Variants in DENND5B observed in about 807,000 individuals in gnomAD.
DENND5B encodes DENN domain-containing protein 5B.
DENND5B carries 34 observed loss-of-function variants against 140.6 expected under a neutral mutation model. The observed-to-expected ratio is 0.24, with a 90% confidence interval of 0.18 to 0.32. The LOEUF is 0.32. DENND5B is among the 10% of genes least tolerant of loss of function. The pLI, the probability that DENND5B is intolerant of heterozygous loss-of-function variation, is 1.00. For synonymous variants in DENND5B, 551 were observed against 562.1 expected, an observed-to-expected ratio of 0.98 and a Z score of 0.28; for missense variants, 1,142 against 1,560.2, an observed-to-expected ratio of 0.73 and a Z score of 4.52.
At chr12:31,455,406 T>C (rs538243424) in intron 4 of DENND5B, among the ~76,000 whole-genome samples, 2 of 152,308 alleles carry the variant, frequency 1.3e-5, no homozygotes, top group South Asian at 2.1e-4. Context: ...AAGTCTCCTA[T>C]GTCTGCTTAA....
At chr12:31,433,283 T>C in intron 7 of DENND5B, 35 bp from the exon 8 acceptor site, 1 of 1,577,666 alleles carries the variant, frequency 6.3e-7, no homozygotes, top group Non-Finnish European at 8.6e-7. Context: ...ATGTGTTCCT[T>C]ATCTTTAAAA....
chr12:31,394,497 T>C (rs541468559), intron 17 of DENND5B, among the ~76,000 whole-genome samples: 3 of 152,294 alleles, frequency 2.0e-5, no homozygotes, highest in East Asian at 3.9e-4. Context: ...ATAATTAAAA[T>C]TCACCATGTA....
At chr12:31,539,385 G>T (rs1948611782) in intron 1 of DENND5B, among the ~76,000 whole-genome samples, 1 of 151,882 alleles carries the variant, frequency 6.6e-6, no homozygotes, top group African/African-American at 2.4e-5. Flanking sequence ...CACTCTATGA[G>T]GCCTGTATAC....
chr12:31,474,992 A>G (rs1945728002), intron 3 of DENND5B, among the ~76,000 whole-genome samples: 1 of 152,194 alleles, frequency 6.6e-6, no homozygotes, highest in African/African-American at 2.4e-5. Flanking sequence ...TACAGTTAAC[A>G]CAGTGGTTAA....
chr12:31,398,088 A>C, intron 17 of DENND5B, 87 bp downstream of exon 17: 1 of 1,248,346 alleles, frequency 8.0e-7, no homozygotes, highest in Non-Finnish European at 1.1e-6. Context: ...TCTCCTCACT[A>C]CATTCATTAA....
At chr12:31,460,443 A>C (rs1944963006) in intron 3 of DENND5B, 62 bp from the exon 4 acceptor site, 1 of 1,518,808 alleles carries the variant, frequency 6.6e-7, no homozygotes, top group African/African-American at 1.4e-5. Context: ...CACTTCATTA[A>C]GCTGGAAAAT....
At chr12:31,494,222 CTACCTACCTACCTA>C (rs1946676508) in intron 2 of DENND5B, among the ~76,000 whole-genome samples, 1 of 18,240 alleles carries the variant, frequency 5.5e-5, no homozygotes, top group African/African-American at 1.7e-4. Context: ...CTACCTACCT[CTACCTACCTACCTA>C]CCTACCTACC....
intron 3 of DENND5B, among the ~76,000 whole-genome samples, chr12:31,464,005 A>G (rs941191344): frequency 3.9e-5 from 6 of 152,224 alleles, no homozygotes; most frequent in African/African-American, 1.4e-4. Flanking sequence ...CAGCAGAAAT[A>G]AGACAATTCT....
chr12:31,493,679 A>G (rs1358711814), intron 2 of DENND5B, among the ~76,000 whole-genome samples: 1 of 152,078 alleles, frequency 6.6e-6, no homozygotes, highest in Non-Finnish European at 1.5e-5. Flanking sequence ...AAAATACAAA[A>G]GATTAGCTGG....
chr12:31,389,645 T>C (rs745579477), intron 19 of DENND5B, 147 bp from the exon 20 acceptor site: 47 of 719,362 alleles, frequency 6.5e-5, no homozygotes, highest in Non-Finnish European at 4.3e-5. Context: ...TCATTGATTT[T>C]AGGGGTCGAT....
intron 1 of DENND5B, among the ~76,000 whole-genome samples, chr12:31,579,638 GTTTA>G (rs143308745): frequency 7.3e-5 from 11 of 150,266 alleles, no homozygotes; most frequent in South Asian, 2.1e-4. Flanking sequence ...TCTAGCCTGG[GTTTA>G]TTTATTTATT....
chr12:31,552,050 C>T (rs1202453877), intron 1 of DENND5B, among the ~76,000 whole-genome samples: 14 of 152,044 alleles, frequency 9.2e-5, no homozygotes, highest in Admixed American at 9.2e-4. Flanking sequence ...ATTGAATACC[C>T]TTTATTTCCT....
intron 4 of DENND5B, among the ~76,000 whole-genome samples, chr12:31,453,482 A>C (rs1944630093): frequency 6.6e-6 from 1 of 152,218 alleles, no homozygotes; most frequent in Non-Finnish European, 1.5e-5. Flanking sequence ...TCTACTGTCC[A>C]TACTCTCTTA....
chr12:31,515,522 G>C (rs1261352752), intron 1 of DENND5B, among the ~76,000 whole-genome samples: 1 of 152,080 alleles, frequency 6.6e-6, no homozygotes, highest in Non-Finnish European at 1.5e-5. Context: ...TACATGGTGG[G>C]TAAATTTTAT....
At chr12:31,539,028 A>T (rs1344877020) in intron 1 of DENND5B, among the ~76,000 whole-genome samples, 1 of 152,044 alleles carries the variant, frequency 6.6e-6, no homozygotes, top group Non-Finnish European at 1.5e-5. Context: ...GACACAACTA[A>T]GTAAAACCAG....
chr12:31,577,465 C>T (rs1012012477), intron 1 of DENND5B, among the ~76,000 whole-genome samples: 3 of 151,906 alleles, frequency 2.0e-5, no homozygotes, highest in Admixed American at 6.6e-5. Flanking sequence ...AATCCCAGCA[C>T]TTTGGGAGGC....
rs181942968 is a variant in DENND5B at position 31,521,586 on chromosome 12, C to G, written c.128-25667G>C. ...TTGTTAGTCTGTCCTATACAAGATGCCTACATAAAACAGAAATGTGTGTGG... is the reference window on the plus strand; with the variant it reads ...TTGTTAGTCTGTCCTATACAAGATGGCTACATAAAACAGAAATGTGTGTGG... On this transcript the variant is annotated intron_variant, in intron 1 of 20. Coordinates refer to ENST00000389082, the MANE Select transcript of DENND5B (RefSeq NM_144973.4). Among the ~76,000 whole-genome samples, 198 of 152,244 alleles carry G rather than the reference C, an allele frequency of 1.3e-3. 1 individual carries two copies. Among genetic ancestry groups the G allele is most frequent in the African/African-American group, 4.6e-3 (193 of 41,546 alleles).
At chr12:31,447,127 C>T (rs1050625641) in intron 6 of DENND5B, among the ~76,000 whole-genome samples, 31 of 151,790 alleles carry the variant, frequency 2.0e-4, no homozygotes, top group African/African-American at 7.3e-4. Flanking sequence ...AAAAATTAGT[C>T]AGGCGTGATG....
intron 1 of DENND5B, among the ~76,000 whole-genome samples, chr12:31,537,321 G>T (rs1407232398): frequency 6.6e-6 from 1 of 152,072 alleles, no homozygotes. Context: ...GAAAGCAGGG[G>T]GATGAAGTTA....
Sources: gnomAD v4.1 joint callset for allele counts (sites outside exome capture counted in the v4.1 genomes callset) on GRCh38, gnomAD v4.1.1 for gene constraint, MANE v1.5 for transcripts, NCBI Gene and HGNC (gene_info 2026-07-23, HGNC 2026-07-21) for gene names.